Variants in TAOK3 observed in about 807,000 individuals in gnomAD.
TAOK3 encodes TAO kinase 3, also known as serine/threonine-protein kinase TAO3.
Under a neutral mutation model 120.4 loss-of-function variants are expected in TAOK3, and 40 were observed. The ratio of observed to expected loss-of-function variants is 0.33; its 90% CI spans 0.26 to 0.43. The LOEUF is 0.43. Among genes scored for constraint, TAOK3 ranks in the 20% least tolerant of loss-of-function variants. TAOK3 has a pLI of 1.00. For synonymous variants in TAOK3, 355 were observed against 387.5 expected, an observed-to-expected ratio of 0.92 and a Z score of 0.99; for missense variants, 821 against 1,112.1, an observed-to-expected ratio of 0.74 and a Z score of 3.72.
intron 1 of TAOK3, among the ~76,000 whole-genome samples, chr12:118,302,588 C>T (rs751392399): frequency 7.9e-5 from 12 of 152,024 alleles, no homozygotes; most frequent in Non-Finnish European, 1.6e-4. Flanking sequence ...AAGAAAGAGA[C>T]AGGACAGCTA....
chr12:118,352,021 C>T (rs1185066682), intron 1 of TAOK3, among the ~76,000 whole-genome samples: 1 of 151,336 alleles, frequency 6.6e-6, no homozygotes, highest in African/African-American at 2.4e-5. Flanking sequence ...TTACAGGCAC[C>T]CGCCACCGCG....
intron 3 of TAOK3, among the ~76,000 whole-genome samples, chr12:118,248,952 A>C (rs2040631865): frequency 6.6e-6 from 1 of 152,134 alleles, no homozygotes; most frequent in East Asian, 1.9e-4. Context: ...ACTGGCTAAA[A>C]GTCAAAACAT....
At chr12:118,310,172 T>C (rs2043210937) in intron 1 of TAOK3, among the ~76,000 whole-genome samples, 1 of 152,178 alleles carries the variant, frequency 6.6e-6, no homozygotes, top group South Asian at 2.1e-4. Flanking sequence ...TGGTCCCTGC[T>C]ACTTGGAAGG....
At chr12:118,172,109 T>C (rs2036029654) in intron 17 of TAOK3, among the ~76,000 whole-genome samples, 1 of 152,224 alleles carries the variant, frequency 6.6e-6, no homozygotes, top group Non-Finnish European at 1.5e-5. Flanking sequence ...AAATGTTTTA[T>C]GCGGAGTCAC....
rs534856406 is a variant in TAOK3, at chr12:118,160,742, C to T, written c.2140-384G>A. Among the ~76,000 whole-genome samples the T allele has an allele frequency of 1.3e-5, 2 of 151,316 alleles. No homozygotes were observed. The highest frequency in any genetic ancestry group is 6.6e-5 in the Admixed American group (1 of 15,162). Reference sequence around the variant, plus strand: ...TTCCATTGTTCATTGTTTTTCCCCCCTTTTTTTTTGTTTCTGTGTTTCACC... The same window carrying T: ...TTCCATTGTTCATTGTTTTTCCCCCTTTTTTTTTTGTTTCTGTGTTTCACC... On this transcript the variant is annotated intron_variant, in intron 18 of 20. Coordinates refer to ENST00000392533, the MANE Select transcript of TAOK3 (RefSeq NM_016281.4). The surrounding 1 kb of genome is among the most constrained non-coding windows in gnomAD (Gnocchi z 4.2).
At chr12:118,221,959 G>A (rs2039256211) in intron 9 of TAOK3, among the ~76,000 whole-genome samples, 1 of 151,750 alleles carries the variant, frequency 6.6e-6, no homozygotes, top group Non-Finnish European at 1.5e-5. Context: ...TAAATGAAAG[G>A]AAAAAGGTAG....
rs2141342419 is a variant in TAOK3 at position 118,371,952 on chromosome 12, CCT to C, written c.-194+694_-194+695del. 6.7e-6 allele frequency among the ~76,000 whole-genome samples: 1 copy of C among 148,966 alleles called. No homozygotes were observed. Among genetic ancestry groups the C allele is most frequent in the African/African-American group, 2.5e-5 (1 of 40,446 alleles). The stretch of plus-strand genomic sequence containing the variant: ...ACCCTGCTCCCACCCGCTGTCCCGG[CCT>C]CTCTCTAGGTGTCCTGCTCTCAGCC... On this transcript the variant is annotated intron_variant, in intron 1 of 20. Coordinates refer to ENST00000392533, the MANE Select transcript of TAOK3 (RefSeq NM_016281.4). This position sits in a 1 kb window ranked among gnomAD's most constrained non-coding sequence, Gnocchi z 5.5.
At chr12:118,367,201 T>A (rs1200529513) in intron 1 of TAOK3, among the ~76,000 whole-genome samples, 3 of 152,206 alleles carry the variant, frequency 2.0e-5, no homozygotes, top group Non-Finnish European at 4.4e-5. Flanking sequence ...GGCCCCTAAG[T>A]CATTCTGTTG....
In TAOK3 at chr12:118,189,849, G is replaced by A. The variant is rs1460498199; in HGVS notation, c.1287C>T (p.Tyr429=). The A allele has an allele frequency of 6.2e-7, 1 of 1,614,106 alleles. No individual in the cohort carries two copies. The highest frequency in any genetic ancestry group is 8.5e-7 in the Non-Finnish European group (1 of 1,180,056). ...TCGTGGCAAAGCGCTCTCTGTTCCG[G>A]TAGTGGAGGGCCTGGCTCTGAACTG... is the stretch of plus-strand genomic sequence containing the variant. ...TQSVQSQALH[Y]RNRERFATIK... The change falls in exon 14 of 21, where the codon TAC becomes TAT. Residue 429 remains tyrosine, a synonymous_variant. Coordinates refer to ENST00000392533, the MANE Select transcript of TAOK3 (RefSeq NM_016281.4).
intron 1 of TAOK3, among the ~76,000 whole-genome samples, chr12:118,361,117 C>T (rs1443391323): frequency 2.0e-5 from 3 of 152,182 alleles, no homozygotes; most frequent in Non-Finnish European, 4.4e-5. Flanking sequence ...TCAATATCAG[C>T]ATCGAAGCAA....
intron 1 of TAOK3, among the ~76,000 whole-genome samples, chr12:118,274,229 AAGGT>A (rs1363739896): frequency 6.6e-6 from 1 of 152,186 alleles, no homozygotes; most frequent in Non-Finnish European, 1.5e-5. Context: ...AACTGCTTTT[AAGGT>A]ACTTTCACGT....
At chr12:118,244,709 T>C (rs2040412757) in intron 4 of TAOK3, among the ~76,000 whole-genome samples, 185 bp downstream of exon 4, 1 of 151,848 alleles carries the variant, frequency 6.6e-6, no homozygotes, top group Non-Finnish European at 1.5e-5. Context: ...TTTGTATTTT[T>C]AGTAGAGATG....
At chr12:118,243,970 T>G (rs1029471352) in intron 4 of TAOK3, among the ~76,000 whole-genome samples, 3 of 151,904 alleles carry the variant, frequency 2.0e-5, no homozygotes, top group Non-Finnish European at 4.4e-5. Context: ...TGAGACACTG[T>G]GCCCGGCCTA....
Position 118,172,280 on chromosome 12 carries a change from T to C in TAOK3, c.1899+177A>G, listed in dbSNP as rs899519127. Among the ~76,000 whole-genome samples, 3 of 152,212 alleles carry C rather than the reference T, an allele frequency of 2.0e-5. No homozygotes were observed. The East Asian group carries it at 5.8e-4, about 29-fold the overall frequency. On this transcript the variant is annotated intron_variant, in intron 17 of 20. Transcript: ENST00000392533. Reference sequence around the variant, plus strand: ...CCTTGTTCTGTGAGTGGGCTTCCTCTTATCAATAGTAAGTTCATTCCCTGA... The same window carrying C: ...CCTTGTTCTGTGAGTGGGCTTCCTCCTATCAATAGTAAGTTCATTCCCTGA...
rs1045468428 is a variant in TAOK3 at position 118,371,337 on chromosome 12, G to A, written c.-194+1311C>T. 2.6e-5 allele frequency among the ~76,000 whole-genome samples: 4 copies of A among 152,018 alleles called. No individual in the cohort carries two copies. The highest frequency in any genetic ancestry group is 9.7e-5 in the African/African-American group (4 of 41,392). Reference sequence around the variant, plus strand: ...TTTCATTAAGATCAGGAAGCCCCTCGCTTTCAAGACATCCACATCAGACTC... The same window carrying A: ...TTTCATTAAGATCAGGAAGCCCCTCACTTTCAAGACATCCACATCAGACTC... On this transcript the variant is annotated intron_variant, in intron 1 of 20. Transcript: ENST00000392533. The surrounding 1 kb of genome is among the most constrained non-coding windows in gnomAD (Gnocchi z 5.5).
At chr12:118,316,986 G>A (rs544353056) in intron 1 of TAOK3, among the ~76,000 whole-genome samples, 10 of 152,194 alleles carry the variant, frequency 6.6e-5, no homozygotes, top group Admixed American at 3.9e-4. Flanking sequence ...TGCTGGGGCT[G>A]GGCACGGTGG....
At chr12:118,290,334 G>A (rs893958742) in intron 1 of TAOK3, among the ~76,000 whole-genome samples, 4 of 152,000 alleles carry the variant, frequency 2.6e-5, no homozygotes, top group South Asian at 2.1e-4. Context: ...AAGTAACATC[G>A]GTTGGCAAGA....
chr12:118,352,646 C>G (rs2045225356), intron 1 of TAOK3, among the ~76,000 whole-genome samples: 1 of 152,162 alleles, frequency 6.6e-6, no homozygotes. Context: ...AGGTGACAGA[C>G]TGGACCCAAA....
intron 1 of TAOK3, chr12:118,296,867 T>C (rs756974010): frequency 2.0e-5 from 3 of 152,180 alleles, no homozygotes; most frequent in Non-Finnish European, 4.4e-5. Flanking sequence ...AACAACCATA[T>C]TATAAGAGAC....
Sources: allele counts gnomAD v4.1 joint callset (sites outside exome capture counted in the v4.1 genomes callset), GRCh38; gene constraint gnomAD v4.1.1; non-coding constraint Gnocchi (gnomAD v3.1); transcripts MANE v1.5; gene names NCBI Gene and HGNC (gene_info 2026-07-23, HGNC 2026-07-21).